Variants in CLIC5 observed in about 807,000 individuals in gnomAD.
CLIC5 encodes chloride intracellular channel protein 5.
Under a neutral mutation model 24.7 loss-of-function variants are expected in CLIC5, and 20 were observed. That is an observed-to-expected ratio of 0.81 (90% confidence interval 0.57 to 1.18). The LOEUF (loss-of-function observed/expected upper bound fraction) is 1.18. Among genes scored for constraint, CLIC5 ranks in the 50% most tolerant of loss-of-function variants. The pLI, the probability that CLIC5 is intolerant of heterozygous loss-of-function variation, is 0.00. For synonymous variants in CLIC5, 159 were observed against 135.6 expected (o/e 1.17, Z -1.20); for missense variants, 341 against 326.1 (o/e 1.05, Z -0.35).
intron 1 of CLIC5, among the ~76,000 whole-genome samples, chr6:46,000,956 C>T (rs184378008): frequency 6.6e-6 from 1 of 152,316 alleles, no homozygotes; most frequent in Admixed American, 6.5e-5. Flanking sequence ...CTGATAACCA[C>T]TCTTTGAAAT....
At chr6:46,070,838 A>G (rs1263459437) in intron 1 of CLIC5, among the ~76,000 whole-genome samples, 1 of 152,184 alleles carries the variant, frequency 6.6e-6, no homozygotes, top group Non-Finnish European at 1.5e-5. Flanking sequence ...ACACAAGGCT[A>G]CAGTAACCCA....
chr6:45,920,942 C>T lies in CLIC5; in HGVS notation c.407-6533G>A, dbSNP rs186669921. On this transcript the variant is annotated intron_variant, in intron 4 of 5. Transcript: ENST00000339561. ...GGGCAGTGTAACCAATCCCCTCCCC[C>T]ACCAGAAAACTTTACATAAAGATCT... is the stretch of plus-strand genomic sequence containing the variant. 2.9e-4 allele frequency among the ~76,000 whole-genome samples: 44 copies of T among 152,314 alleles called. No individual in the cohort carries two copies. The East Asian group carries it at 8.1e-3, about 28-fold the overall frequency.
At chr6:46,049,043 T>G (rs1217658070) in intron 1 of CLIC5, among the ~76,000 whole-genome samples, 1 of 152,188 alleles carries the variant, frequency 6.6e-6, no homozygotes, top group Non-Finnish European at 1.5e-5. Flanking sequence ...GCCTCCTGTT[T>G]GAATATCCCC....
chr6:45,950,415 C>T (rs1212194281), intron 2 of CLIC5, among the ~76,000 whole-genome samples: 2 of 150,128 alleles, frequency 1.3e-5, no homozygotes, highest in East Asian at 2.0e-4. Context: ...AAAAAACAAA[C>T]AAAAATTTGC....
chr6:45,944,970 T>C (rs1764245004), intron 3 of CLIC5, among the ~76,000 whole-genome samples: 1 of 152,236 alleles, frequency 6.6e-6, no homozygotes, highest in African/African-American at 2.4e-5. Flanking sequence ...ATCTGACTTT[T>C]CTAATCCTTG....
rs561088412 is a variant in CLIC5, at chr6:45,961,765, C to T, written c.64-6521G>A. 3.9e-5 allele frequency among the ~76,000 whole-genome samples: 6 copies of T among 152,090 alleles called. No individual in the cohort carries two copies. In the South Asian group the frequency reaches 1.2e-3, roughly 32 times the overall value. ...TCCACATGAGGACAGAGAGGTCTAC[C>T]CTTGAAGAAATCAACATTTCCTTTC... On this transcript the variant is annotated intron_variant, in intron 1 of 5. Transcript: ENST00000339561.
intron 6 of CLIC5, among the ~76,000 whole-genome samples, chr6:45,882,903 T>A (rs1156664708): frequency 1.3e-5 from 2 of 152,206 alleles, no homozygotes; most frequent in Non-Finnish European, 2.9e-5. Flanking sequence ...TAGAAGAGTA[T>A]TGAAAAGACC....
chr6:45,971,798 G>A (rs1240191784), intron 1 of CLIC5, among the ~76,000 whole-genome samples: 1 of 152,182 alleles, frequency 6.6e-6, no homozygotes, highest in Non-Finnish European at 1.5e-5. Context: ...GTCAACCTTA[G>A]ATGCAATTCT....
intron 2 of CLIC5, among the ~76,000 whole-genome samples, chr6:45,949,796 A>T (rs1310466160): frequency 2.6e-5 from 4 of 152,250 alleles, no homozygotes; most frequent in African/African-American, 9.6e-5. Flanking sequence ...AATGAATTAG[A>T]TCATACTTTT....
chr6:45,997,769 G>T (rs544721968), intron 1 of CLIC5, among the ~76,000 whole-genome samples: 16 of 152,190 alleles, frequency 1.1e-4, no homozygotes, highest in South Asian at 4.1e-4. Flanking sequence ...ATGGAAAAAG[G>T]CCTGGAACAT....
the CLIC5 span, among the ~76,000 whole-genome samples, chr6:46,086,462 A>G: frequency 6.6e-6 from 1 of 152,220 alleles, no homozygotes; most frequent in East Asian, 1.9e-4. Context: ...GTTGTGAAGT[A>G]TGATGCAGAG....
chr6:46,082,714 G>A (rs893964843), upstream of CLIC5, among the ~76,000 whole-genome samples: 4 of 151,890 alleles, frequency 2.6e-5, no homozygotes, highest in African/African-American at 9.7e-5. Flanking sequence ...TTCTCAATGA[G>A]ACTACACTGA....
intron 1 of CLIC5, among the ~76,000 whole-genome samples, chr6:46,072,182 A>G (rs1205760165): frequency 6.6e-6 from 1 of 151,868 alleles, no homozygotes; most frequent in Admixed American, 6.6e-5. Flanking sequence ...ACAAACCCCC[A>G]TAACACAAAT....
At chr6:46,055,527 C>A (rs914123338) in intron 1 of CLIC5, among the ~76,000 whole-genome samples, 1 of 152,216 alleles carries the variant, frequency 6.6e-6, no homozygotes, top group Admixed American at 6.5e-5. Flanking sequence ...CGTGAGCCAC[C>A]GCGCCAGGCC....
intron 6 of CLIC5, chr6:45,881,229 T>A (rs537422198): frequency 1.0e-5 from 4 of 398,194 alleles, no homozygotes; most frequent in South Asian, 2.6e-4. Flanking sequence ...TGGAGCCAAT[T>A]TAATGGGCCA....
At chr6:46,043,659 A>G (rs1266570970) in intron 1 of CLIC5, among the ~76,000 whole-genome samples, 1 of 152,230 alleles carries the variant, frequency 6.6e-6, no homozygotes, top group African/African-American at 2.4e-5. Flanking sequence ...TTCAGAGTAC[A>G]GTTCAGGCAA....
At chr6:45,989,162 A>G (rs896263419) in intron 1 of CLIC5, among the ~76,000 whole-genome samples, 3 of 152,140 alleles carry the variant, frequency 2.0e-5, no homozygotes, top group Non-Finnish European at 4.4e-5. Context: ...GAGACACACA[A>G]CAGGATTGAC....
chr6:46,059,052 G>T (rs990834461), intron 1 of CLIC5, among the ~76,000 whole-genome samples: 1 of 152,186 alleles, frequency 6.6e-6, no homozygotes, highest in African/African-American at 2.4e-5. Flanking sequence ...GCTCAACCTG[G>T]ATGTGCAGTA....
the CLIC5 span, among the ~76,000 whole-genome samples, chr6:46,127,033 A>G: frequency 2.0e-5 from 3 of 152,246 alleles, no homozygotes; most frequent in African/African-American, 7.2e-5. Context: ...TGCCTTTGAC[A>G]TGCTGCTTCC....
Sources: gnomAD v4.1 joint callset for allele counts (sites outside exome capture counted in the v4.1 genomes callset) on GRCh38, gnomAD v4.1.1 for gene constraint, MANE v1.5 for transcripts, NCBI Gene and HGNC (gene_info 2026-07-23, HGNC 2026-07-21) for gene names.